The following PRKACA variants were observed in gnomAD, a reference collection of about 807,000 sequenced individuals.
The protein encoded by PRKACA is cAMP-dependent protein kinase catalytic subunit alpha.
In PRKACA, 9 loss-of-function variants were observed where a neutral mutation model predicts 45.8. The ratio of observed to expected loss-of-function variants is 0.20; its 90% CI spans 0.12 to 0.34. The LOEUF (loss-of-function observed/expected upper bound fraction) is 0.34, where lower values mean the gene tolerates loss of function less well. PRKACA is among the 10% of genes least tolerant of loss of function. PRKACA has a pLI of 1.00. For synonymous variants in PRKACA, 160 were observed against 178.6 expected, an observed-to-expected ratio of 0.90 and a Z score of 0.83; for missense variants, 238 against 458.6, an observed-to-expected ratio of 0.52 and a Z score of 4.39.
At chr19:14,107,557 G>T in intron 1 of PRKACA, 148 bp from the exon 2 acceptor site, 1 of 1,302,764 alleles carries the variant, frequency 7.7e-7, no homozygotes, top group Non-Finnish European at 1.1e-6. Context: ...GGCCTTGGCT[G>T]GGCCGTGGCC....
chr19:14,104,910 C>T (rs537280066), intron 3 of PRKACA, among the ~76,000 whole-genome samples: 5 of 152,024 alleles, frequency 3.3e-5, no homozygotes, highest in Admixed American at 3.3e-4. Context: ...AAAAATTAAA[C>T]TCTTGATGCA....
At chr19:14,102,694 G>A in intron 4 of PRKACA, 122 bp downstream of exon 4, 1 of 830,226 alleles carries the variant, frequency 1.2e-6, no homozygotes, top group Admixed American at 2.1e-5. Context: ...CTCCTCCAGG[G>A]ATCTTGTTCT....
intron 1 of PRKACA, among the ~76,000 whole-genome samples, chr19:14,109,965 AATATATATATATATATATATAT>A (rs1188333013): frequency 8.4e-5 from 2 of 23,772 alleles, no homozygotes; most frequent in East Asian, 2.0e-3. Flanking sequence ...AAAAAAAAAA[AATATATATATATATATATATAT>A]ATATATATAT....
At chr19:14,098,913 C>A (rs759728007) in intron 5 of PRKACA, among the ~76,000 whole-genome samples, 2 of 151,328 alleles carry the variant, frequency 1.3e-5, no homozygotes, top group Non-Finnish European at 2.9e-5. Context: ...CTATATACAA[C>A]TGTCAAAACT....
chr19:14,106,309 C>T (rs557960077), intron 3 of PRKACA, among the ~76,000 whole-genome samples: 7 of 152,218 alleles, frequency 4.6e-5, no homozygotes, highest in South Asian at 4.1e-4. Context: ...GCTATGATCA[C>T]GTCACTGCAC....
intron 8 of PRKACA, among the ~76,000 whole-genome samples, chr19:14,095,175 T>C (rs1977208719): frequency 6.6e-6 from 1 of 151,744 alleles, no homozygotes; most frequent in Non-Finnish European, 1.5e-5. Flanking sequence ...TTTCTTTTTT[T>C]CTTTTTTTTT....
chr19:14,104,540 C>T (rs1244553815), intron 3 of PRKACA, among the ~76,000 whole-genome samples: 2 of 150,736 alleles, frequency 1.3e-5, no homozygotes, highest in Admixed American at 1.3e-4. Context: ...ACTAAAAATA[C>T]AAAAAATTAG....
intron 1 of PRKACA, among the ~76,000 whole-genome samples, chr19:14,113,163 T>A (rs973295461): frequency 4.0e-5 from 6 of 151,264 alleles, no homozygotes; most frequent in Non-Finnish European, 4.4e-5. Context: ...TTGGCTCTAC[T>A]CTCGGCCATG....
At position 14,117,689 on chromosome 19, in the gene PRKACA, C is replaced by G. The variant is rs563054475; in HGVS notation, c.-142G>C. ...TAGCTGCGGCGCCGCGACCCCCGCC[C>G]AGCCCCTGCTTCCCGCGTCTCTCCG... On this transcript the variant is annotated 5_prime_UTR_variant, in exon 1 of 10. Coordinates refer to ENST00000308677, the MANE Select transcript of PRKACA (RefSeq NM_002730.4). 5.8e-4 allele frequency: 173 copies of G among 299,490 alleles called. No homozygotes were observed. The highest frequency in any genetic ancestry group is 1.6e-3 in the South Asian group (12 of 7,728). 18.6% of individuals were successfully genotyped at this position (299,490 alleles called of 1,614,324 possible). A position where few individuals can be genotyped will look rare whatever the true frequency, so the allele number is the denominator to read the frequency against.
intron 2 of PRKACA, 137 bp from the exon 3 acceptor site, chr19:14,107,025 C>CA: frequency 2.6e-6 from 3 of 1,163,468 alleles, no homozygotes; most frequent in Non-Finnish European, 3.6e-6. Context: ...GGACAGGGGG[C>CA]GGAAAATCAA....
chr19:14,095,087 G>C (rs1568528398), intron 8 of PRKACA, among the ~76,000 whole-genome samples: 1 of 152,198 alleles, frequency 6.6e-6, no homozygotes, highest in Non-Finnish European at 1.5e-5. Context: ...CTACAAAGAA[G>C]GGAGTCATGT....
rs368244619 is a variant in PRKACA, at chr19:14,097,317, C to A, written c.765+44G>T. 5.0e-6 allele frequency: 8 copies of A among 1,612,798 alleles called. No individual in the cohort carries two copies. The South Asian group carries it at 8.8e-5, about 18-fold the overall frequency. On this transcript the variant is annotated intron_variant, in intron 8 of 9. Transcript: ENST00000308677. The surrounding 1 kb of genome is among the most constrained non-coding windows in gnomAD (Gnocchi z 5.4). ...GGGAATAGGATGGGTGAGCAGGGAA[C>A]GGTCTGTTTCTTCCAGGGCTGTGTC...
rs1047946802 is a variant in PRKACA, at chr19:14,114,224, G to A, written c.46+3278C>T. The A allele has an allele frequency of 3.2e-6, 5 of 1,579,112 alleles. No individual in the cohort carries two copies. The African/African-American group carries it at 6.8e-5, about 21-fold the overall frequency. On this transcript the variant is annotated intron_variant, in intron 1 of 9. Coordinates refer to ENST00000308677, the MANE Select transcript of PRKACA (RefSeq NM_002730.4). Reference sequence around the variant, plus strand: ...AAGGCTCATGAGACCTGCCGTGTCTGTTCGGCTGTCTGTCCCCAGAACCCT... The same window carrying A: ...AAGGCTCATGAGACCTGCCGTGTCTATTCGGCTGTCTGTCCCCAGAACCCT...
chr19:14,094,446 C>A (rs1977186952), intron 8 of PRKACA, among the ~76,000 whole-genome samples: 2 of 152,216 alleles, frequency 1.3e-5, no homozygotes, highest in Admixed American at 1.3e-4. Context: ...GCCTTGGCCT[C>A]CCAAAGTGTT....
chr19:14,094,066 G>A (rs760341504), intron 8 of PRKACA, among the ~76,000 whole-genome samples: 6 of 151,760 alleles, frequency 4.0e-5, no homozygotes, highest in Non-Finnish European at 4.4e-5. Context: ...GTCTCACTAC[G>A]TTGCCCAGGC....
intron 5 of PRKACA, 142 bp from the exon 6 acceptor site, chr19:14,098,032 C>T (rs1452056236): frequency 9.6e-6 from 10 of 1,043,294 alleles, no homozygotes; most frequent in Non-Finnish European, 1.4e-5. Context: ...TTAGATAGCC[C>T]GACATGGGAA....
chr19:14,097,252 G>C lies in PRKACA; in HGVS notation c.765+109C>G. Reference sequence around the variant, plus strand: ...AGCTTCACCACCTGGCCTGACTTAAGGAACTTCTAGATTATTCTGACAACA... The same window carrying C: ...AGCTTCACCACCTGGCCTGACTTAACGAACTTCTAGATTATTCTGACAACA... On this transcript the variant is annotated intron_variant, in intron 8 of 9. Coordinates refer to ENST00000308677, the MANE Select transcript of PRKACA (RefSeq NM_002730.4). The surrounding 1 kb of genome is among the most constrained non-coding windows in gnomAD (Gnocchi z 5.4). 1 of 1,558,286 alleles carries C rather than the reference G, an allele frequency of 6.4e-7. No individual in the cohort carries two copies. The highest frequency in any genetic ancestry group is 8.8e-7 in the Non-Finnish European group (1 of 1,138,220).
chr19:14,098,815 A>G (rs888757654), intron 5 of PRKACA, among the ~76,000 whole-genome samples: 59 of 112,702 alleles, frequency 5.2e-4, no homozygotes, highest in Non-Finnish European at 7.2e-4. Context: ...ATGTTATTGG[A>G]AAAAAAAAAA....
chr19:14,092,378 CAG>C lies in PRKACA; in HGVS notation c.*732_*733del. The stretch of plus-strand genomic sequence containing the variant: ...GGGGCCTAGACCCTCGCAGGATTGG[CAG>C]AGAGGATTCCCCGGGGAGGGGCCCA... On this transcript the variant is annotated 3_prime_UTR_variant, in exon 10 of 10. Transcript: ENST00000308677. 2.8e-6 allele frequency: 1 copy of C among 362,270 alleles called. No individual in the cohort carries two copies. Among genetic ancestry groups the C allele is most frequent in the Non-Finnish European group, 4.9e-6 (1 of 202,904 alleles). The allele number at this position is 362,270 out of a possible 1,614,324, so 22.4% of individuals were successfully genotyped here.
Sources: gnomAD v4.1 joint callset for allele counts (sites outside exome capture counted in the v4.1 genomes callset) on GRCh38, gnomAD v4.1.1 for gene constraint, Gnocchi (gnomAD v3.1) non-coding constraint, MANE v1.5 for transcripts, NCBI Gene and HGNC (gene_info 2026-07-23, HGNC 2026-07-21) for gene names.